SHLD2: variants seen among roughly 807,000 people sequenced by gnomAD.
SHLD2 encodes the protein RINN1-REV7-interacting novel NHEJ regulator 2.
Under a neutral mutation model 73.2 loss-of-function variants are expected in SHLD2, and 30 were observed. That is an observed-to-expected ratio of 0.41 (90% CI 0.31 to 0.56). The LOEUF (loss-of-function observed/expected upper bound fraction) is 0.56, where lower values mean the gene tolerates loss of function less well. Among genes scored for constraint, SHLD2 ranks in the 20% least tolerant of loss-of-function variants. SHLD2 has a pLI of 0.28. For missense variants in SHLD2, 745 were observed against 1,055.9 expected (o/e 0.71, Z 4.08); for synonymous variants, 285 against 370.1 (o/e 0.77, Z 2.64).
At position 87,151,453 on chromosome 10, in the gene SHLD2, T is replaced by G. The variant is rs1846005270; in HGVS notation, c.99T>G (p.Ala33=). The G allele has an allele frequency of 6.2e-7, 1 of 1,610,828 alleles. No individual in the cohort carries two copies. Among genetic ancestry groups the G allele is most frequent in the East Asian group, 2.2e-5 (1 of 44,866 alleles). ...ACACAGCTTCTTTAATGTCTGTTGCTGACCCCTGGAAAAAAATTCAGCTTT... is the reference window on the plus strand; with the variant it reads ...ACACAGCTTCTTTAATGTCTGTTGCGGACCCCTGGAAAAAAATTCAGCTTT... ...SEDTASLMSV[A]DPWKKIQLLY... Residue 33 remains alanine, a synonymous_variant, in exon 3 of 10, where the codon GCT becomes GCG. Coordinates refer to ENST00000298786, the MANE Select transcript of SHLD2 (RefSeq NM_001330112.2).
intron 8 of SHLD2, among the ~76,000 whole-genome samples, chr10:87,186,404 A>T (rs1848621670): frequency 6.6e-6 from 1 of 152,268 alleles, no homozygotes; most frequent in Admixed American, 6.5e-5. Context: ...CAAAACAAAG[A>T]GTGAAAGTCT....
chr10:87,163,493 A>G (rs1258737065), intron 4 of SHLD2, among the ~76,000 whole-genome samples: 1 of 152,172 alleles, frequency 6.6e-6, no homozygotes, highest in Non-Finnish European at 1.5e-5. Flanking sequence ...GCGGGTGGGG[A>G]AGAAAAGAAC....
chr10:87,102,727 A>C, intron 2 of SHLD2, among the ~76,000 whole-genome samples: 1 of 152,106 alleles, frequency 6.6e-6, no homozygotes, highest in Admixed American at 6.6e-5. Context: ...AAAAGAAAAA[A>C]ATTTTTAAAA....
intron 2 of SHLD2, among the ~76,000 whole-genome samples, chr10:87,139,028 T>C (rs1009468911): frequency 5.9e-5 from 9 of 152,230 alleles, no homozygotes; most frequent in South Asian, 2.1e-4. Context: ...AGTAAGAGAA[T>C]CTTTGATTGG....
At position 87,152,202 on chromosome 10, in the gene SHLD2, T is replaced by C. The variant is rs377718754; in HGVS notation, c.848T>C (p.Ile283Thr). 25 of 1,589,786 alleles carry C rather than the reference T, an allele frequency of 1.6e-5. No homozygotes were observed. In the African/African-American group the frequency reaches 3.1e-4, roughly 20 times the overall value. Residue 283 changes from isoleucine to threonine, a missense_variant, in exon 3 of 10, where the codon ATA (isoleucine) becomes ACA (threonine). Physicochemically the swap from Ile to Thr is moderately conservative, Grantham distance 89 (BLOSUM62 -1). Transcript: ENST00000298786. ...GAACCAAAGGCAAGTTACGGGGAGA[T>C]AAGAATACCTGAAGAGAATTCGATT... ...ETEPKASYGE[I>T]RIPEENSIQL...
chr10:87,123,462 A>T (rs1843766355), intron 2 of SHLD2, among the ~76,000 whole-genome samples: 1 of 151,496 alleles, frequency 6.6e-6, no homozygotes, highest in Non-Finnish European at 1.5e-5. Context: ...TGCCTCGCTA[A>T]GTTTTGCATT....
At chr10:87,173,069 A>AGGAGAGACGAGGT (rs1847710510) in intron 6 of SHLD2, among the ~76,000 whole-genome samples, 6 of 147,514 alleles carry the variant, frequency 4.1e-5, no homozygotes, top group African/African-American at 1.5e-4. Flanking sequence ...ACAGAGTTTC[A>AGGAGAGACGAGGT]TTCTTGTCAC....
intron 2 of SHLD2, among the ~76,000 whole-genome samples, chr10:87,101,606 A>G (rs1842269788): frequency 6.6e-6 from 1 of 152,186 alleles, no homozygotes. Context: ...CACTGTGAAT[A>G]TATCGAATTA....
chr10:87,097,607 G>A (rs1475462963), intron 2 of SHLD2, among the ~76,000 whole-genome samples: 1 of 151,986 alleles, frequency 6.6e-6, no homozygotes, highest in Non-Finnish European at 1.5e-5. Flanking sequence ...AGGAAAGGCA[G>A]AATTGAAGAA....
chr10:87,144,616 A>ATTTTTTTTTTT (rs548218721), intron 2 of SHLD2, among the ~76,000 whole-genome samples: 2 of 89,498 alleles, frequency 2.2e-5, no homozygotes, highest in Non-Finnish European at 4.0e-5. Context: ...GCATTTACTA[A>ATTTTTTTTTTT]TTTTTTTTTT....
intron 8 of SHLD2, among the ~76,000 whole-genome samples, chr10:87,180,783 A>G (rs1414945038): frequency 1.3e-5 from 2 of 152,330 alleles, no homozygotes; most frequent in South Asian, 4.1e-4. Context: ...TGAAAAACAC[A>G]TTGTTTTTTG....
chr10:87,182,499 C>T (rs1241602586), intron 8 of SHLD2, among the ~76,000 whole-genome samples: 3 of 152,202 alleles, frequency 2.0e-5, no homozygotes, highest in African/African-American at 7.2e-5. Context: ...TACGAGGCCA[C>T]AGACATTTAT....
intron 2 of SHLD2, among the ~76,000 whole-genome samples, chr10:87,121,232 C>G (rs1843596483): frequency 6.6e-6 from 1 of 152,016 alleles, no homozygotes; most frequent in African/African-American, 2.4e-5. Context: ...TCAGGTGATT[C>G]TCCCACCTGA....
chr10:87,108,498 T>C (rs1048911903), intron 2 of SHLD2, among the ~76,000 whole-genome samples: 1 of 152,090 alleles, frequency 6.6e-6, no homozygotes, highest in African/African-American at 2.4e-5. Context: ...AGAGATGAGG[T>C]CTTGCTATGT....
At chr10:87,186,691 G>T (rs1848641224) in intron 8 of SHLD2, among the ~76,000 whole-genome samples, 1 of 152,106 alleles carries the variant, frequency 6.6e-6, no homozygotes, top group Non-Finnish European at 1.5e-5. Flanking sequence ...CCAGTTCCCT[G>T]TTTATTGATA....
chr10:87,170,355 C>A (rs1847507187), intron 4 of SHLD2, 123 bp from the exon 5 acceptor site: 1 of 678,170 alleles, frequency 1.5e-6, no homozygotes, highest in Non-Finnish European at 2.3e-6. Context: ...TTAGAGAAAG[C>A]AAAACTATAT....
chr10:87,141,001 G>A (rs1845151754), intron 2 of SHLD2, among the ~76,000 whole-genome samples: 1 of 151,618 alleles, frequency 6.6e-6, no homozygotes, highest in Non-Finnish European at 1.5e-5. Context: ...AAAAAAAGGC[G>A]AGGCACAGTG....
chr10:87,180,024 A>G, intron 7 of SHLD2, 51 bp from the exon 8 acceptor site: 2 of 1,366,930 alleles, frequency 1.5e-6, no homozygotes, highest in South Asian at 2.3e-5. Flanking sequence ...TGTAAATTAA[A>G]GTTATAATTT....
At position 87,119,279 on chromosome 10, in the gene SHLD2, T is replaced by C. The variant is rs527663476; in HGVS notation, c.-6+22290T>C. 4.6e-5 allele frequency among the ~76,000 whole-genome samples: 7 copies of C among 152,274 alleles called. No individual in the cohort carries two copies. In the East Asian group the frequency reaches 1.4e-3, roughly 29 times the overall value. On this transcript the variant is annotated intron_variant, in intron 2 of 9. Transcript: ENST00000298786. ...GGCAAACATAGACCTATTTATTGGC[T>C]CACTTATTATTAATGTTAAACTAGC...
Sources: allele counts gnomAD v4.1 joint callset (sites outside exome capture counted in the v4.1 genomes callset), GRCh38; gene constraint gnomAD v4.1.1; transcripts MANE v1.5; gene names NCBI Gene and HGNC (gene_info 2026-07-23, HGNC 2026-07-21).